Variants in ZNF524 observed in about 807,000 individuals in gnomAD.
ZNF524 encodes the protein zinc finger protein 524.
For missense variants in ZNF524, 388 were observed against 380.1 expected (o/e 1.02, Z -0.17); for synonymous variants, 194 against 166.3 (o/e 1.17, Z -1.28).
In ZNF524 at chr19:55,602,216, G is replaced by T; in HGVS notation, c.104G>T (p.Arg35Leu). 6.2e-7 allele frequency: 1 copy of T among 1,612,626 alleles called. No individual in the cohort carries two copies. ...PPVPRGRRGR[R>L]PGGATSSNRT... ...GTTCCCCGGGGCCGCCGAGGCCGTC[G>T]TCCTGGGGGAGCCACCTCCTCAAAT... Residue 35 changes from arginine to leucine, a missense_variant, in exon 2 of 2, where the codon CGT becomes CTT. By Grantham distance (102) the Arg-to-Leu change is moderately radical (BLOSUM62 -2). Transcript: ENST00000301073.
In ZNF524 at chr19:55,603,036, G is replaced by A. The variant is rs1980784517; in HGVS notation, c.*129G>A. 1.7e-6 allele frequency: 2 copies of A among 1,198,140 alleles called. No homozygotes were observed. The highest frequency in any genetic ancestry group is 1.5e-5 in the African/African-American group (1 of 65,052). The allele number at this position is 1,198,140 out of a possible 1,614,324, so 74.2% of individuals were successfully genotyped here. A position where few individuals can be genotyped will look rare whatever the true frequency, so the allele number is the denominator to read the frequency against. ...TTCCCGTTGTGGGAGCAGGTGGAGGGTGGAGACCTAAACTTTGGGGTCCAG... is the reference window on the plus strand; with the variant it reads ...TTCCCGTTGTGGGAGCAGGTGGAGGATGGAGACCTAAACTTTGGGGTCCAG... On this transcript the variant is annotated 3_prime_UTR_variant, in exon 2 of 2. Transcript: ENST00000301073.
At position 55,603,101 on chromosome 19, in the gene ZNF524, G is replaced by A. The variant is rs1980788202; in HGVS notation, c.*194G>A. ...CCTCCCCCAGACTAACAGACCCTTG[G>A]AGGCAGGGGCTGTGGAAATAAATCT... is the stretch of plus-strand genomic sequence containing the variant. On this transcript the variant is annotated 3_prime_UTR_variant, in exon 2 of 2. Coordinates refer to ENST00000301073, the MANE Select transcript of ZNF524 (RefSeq NM_153219.4). The A allele has an allele frequency of 1.5e-6, 1 of 651,664 alleles. No homozygotes were observed. The highest frequency in any genetic ancestry group is 2.6e-6 in the Non-Finnish European group (1 of 377,584). The allele number at this position is 651,664 out of a possible 1,614,324, so 40.4% of individuals were successfully genotyped here.
rs1452226780 is a variant in ZNF524 at position 55,602,230 on chromosome 19, A to G, written c.118A>G (p.Thr40Ala). 5 of 1,611,938 alleles carry G rather than the reference A, an allele frequency of 3.1e-6. No homozygotes were observed. The highest frequency in any genetic ancestry group is 4.2e-6 in the Non-Finnish European group (5 of 1,179,436). The change falls in exon 2 of 2, where the codon ACC (threonine) becomes GCC (alanine). Residue 40 changes from threonine to alanine, a missense_variant. Transcript: ENST00000301073. Reference protein sequence around the residue: ...GRRGRRPGGATSSNRTLKASL... With the variant: ...GRRGRRPGGAASSNRTLKASL... ...CCGAGGCCGTCGTCCTGGGGGAGCC[A>G]CCTCCTCAAATCGGACACTCAAGGC...
upstream of ZNF524, chr19:55,600,154 T>A (rs1444849596): frequency 6.6e-6 from 1 of 151,834 alleles, no homozygotes; most frequent in Non-Finnish European, 1.5e-5. Flanking sequence ...AGGCGCGGCT[T>A]CCGGGCGTGG....
Position 55,602,204 on chromosome 19 carries a change from G to T in ZNF524, c.92G>T (p.Arg31Leu). Reference sequence around the variant, plus strand: ...TTATCTCCTCCTGTTCCCCGGGGCCGCCGAGGCCGTCGTCCTGGGGGAGCC... The same window carrying T: ...TTATCTCCTCCTGTTCCCCGGGGCCTCCGAGGCCGTCGTCCTGGGGGAGCC... ...LALSPPVPRG[R>L]RGRRPGGATS... Residue 31 changes from arginine (R) to leucine (L), a missense_variant, in exon 2 of 2, where the codon CGC (arginine) becomes CTC (leucine). Arg to Leu is a moderately radical substitution (Grantham distance 102, BLOSUM62 -2). Coordinates refer to ENST00000301073, the MANE Select transcript of ZNF524 (RefSeq NM_153219.4). The T allele has an allele frequency of 6.2e-7, 1 of 1,612,216 alleles. No homozygotes were observed. Among genetic ancestry groups the T allele is most frequent in the Non-Finnish European group, 8.5e-7 (1 of 1,179,328 alleles).
rs1386897861 is a variant in ZNF524 at position 55,602,912 on chromosome 19, C to T, written c.*5C>T. 1 of 1,545,794 alleles carries T rather than the reference C, an allele frequency of 6.5e-7. No homozygotes were observed. Among genetic ancestry groups the T allele is most frequent in the Admixed American group, 2.0e-5 (1 of 49,932 alleles). ...GGGAAAGGGGAGCCGGCCTGACCCA[C>T]ACCCCCGGCCATCGCTCCCTGGGCC... On this transcript the variant is annotated 3_prime_UTR_variant, in exon 2 of 2. Transcript: ENST00000301073.
chr19:55,601,972 C>T (rs1174758521), intron 1 of ZNF524, 103 bp from the exon 2 acceptor site: 5 of 713,928 alleles, frequency 7.0e-6, no homozygotes, highest in South Asian at 2.7e-5. Context: ...ATGTCAAACA[C>T]ACCTTTGTCA....
Position 55,602,493 on chromosome 19 carries a change from C to G in ZNF524, c.381C>G (p.Ser127=). ...PVCLRAFPYL[S]DLERHSISHS... ...GCCTGCGGGCCTTCCCCTACCTCTC[C>G]GACCTGGAGCGCCACAGCATCTCGC... The change falls in exon 2 of 2, where the codon TCC becomes TCG. Residue 127 remains serine, a synonymous_variant. Coordinates refer to ENST00000301073, the MANE Select transcript of ZNF524 (RefSeq NM_153219.4). The G allele has an allele frequency of 6.3e-7, 1 of 1,597,720 alleles. No individual in the cohort carries two copies. The highest frequency in any genetic ancestry group is 8.5e-7 in the Non-Finnish European group (1 of 1,177,970).
Position 55,602,719 on chromosome 19 carries a change from T to C in ZNF524, c.607T>C (p.Cys203Arg). Reference sequence around the variant, plus strand: ...GGAGCGCCCGTACCAGTGCCCCATCTGCCGGCTGCGCTTTACAGAGGCCAA... The same window carrying C: ...GGAGCGCCCGTACCAGTGCCCCATCCGCCGGCTGCGCTTTACAGAGGCCAA... The part of the protein sequence containing the change: ...SGERPYQCPI[C>R]RLRFTEANTL... Residue 203 changes from cysteine (C) to arginine (R), a missense_variant, in exon 2 of 2, where the codon TGC becomes CGC. Cys to Arg is a radical substitution (Grantham distance 180, BLOSUM62 -3). Coordinates refer to ENST00000301073, the MANE Select transcript of ZNF524 (RefSeq NM_153219.4). 1 of 1,604,980 alleles carries C rather than the reference T, an allele frequency of 6.2e-7. No homozygotes were observed. The highest frequency in any genetic ancestry group is 8.5e-7 in the Non-Finnish European group (1 of 1,179,724).
Position 55,602,063 on chromosome 19 carries a change from C to G in ZNF524, c.-38-12C>G. 1 of 1,498,438 alleles carries G rather than the reference C, an allele frequency of 6.7e-7. No homozygotes were observed. Among genetic ancestry groups the G allele is most frequent in the East Asian group, 2.3e-5 (1 of 43,686 alleles). The allele number at this position is 1,498,438 out of a possible 1,614,324, so 92.8% of individuals were successfully genotyped here. A position where few individuals can be genotyped will look rare whatever the true frequency, so the allele number is the denominator to read the frequency against. ...CCCTGTGAGCACTGACTCTGCCCCTCTCTCCTCTTAGCTGGCTCCAGTGCC... is the reference window on the plus strand; with the variant it reads ...CCCTGTGAGCACTGACTCTGCCCCTGTCTCCTCTTAGCTGGCTCCAGTGCC... On this transcript the variant is annotated splice_polypyrimidine_tract_variant and intron_variant, in intron 1 of 1. Transcript: ENST00000301073.
chr19:55,602,703 G>A lies in ZNF524; in HGVS notation c.591G>A (p.Pro197=). The change falls in exon 2 of 2, where the codon CCG becomes CCA. Residue 197 remains proline, a synonymous_variant. Coordinates refer to ENST00000301073, the MANE Select transcript of ZNF524 (RefSeq NM_153219.4). ...HHHRVHSGER[P]YQCPICRLRF... The stretch of plus-strand genomic sequence containing the variant: ...ACCGCGTGCACTCGGGGGAGCGCCC[G>A]TACCAGTGCCCCATCTGCCGGCTGC... 2.5e-6 allele frequency: 4 copies of A among 1,602,620 alleles called. No individual in the cohort carries two copies. Among genetic ancestry groups the A allele is most frequent in the Non-Finnish European group, 3.4e-6 (4 of 1,179,390 alleles).
chr19:55,599,907 C>T (rs375382337), upstream of ZNF524: 4 of 152,232 alleles, frequency 2.6e-5, no homozygotes, highest in East Asian at 5.8e-4. Context: ...AACTGCAATA[C>T]AGAGCTGGAA....
At position 55,602,681 on chromosome 19, in the gene ZNF524, G is replaced by A. The variant is rs766321925; in HGVS notation, c.569G>A (p.Arg190His). 3 of 1,599,202 alleles carry A rather than the reference G, an allele frequency of 1.9e-6. No homozygotes were observed. The highest frequency in any genetic ancestry group is 2.2e-5 in the South Asian group (2 of 90,622). The change falls in exon 2 of 2, where the codon CGC becomes CAC. Residue 190 changes from arginine to histidine, a missense_variant. Coordinates refer to ENST00000301073, the MANE Select transcript of ZNF524 (RefSeq NM_153219.4). Reference sequence around the variant, plus strand: ...GCGGGCGAGCTGGCGCACCACCACCGCGTGCACTCGGGGGAGCGCCCGTAC... The same window carrying A: ...GCGGGCGAGCTGGCGCACCACCACCACGTGCACTCGGGGGAGCGCCCGTAC... The part of the protein sequence containing the change: ...REAGELAHHH[R>H]VHSGERPYQC...
At position 55,602,552 on chromosome 19, in the gene ZNF524, G is replaced by A. The variant is rs1368204733; in HGVS notation, c.440G>A (p.Cys147Tyr). 12 of 1,591,276 alleles carry A rather than the reference G, an allele frequency of 7.5e-6. No homozygotes were observed. The highest frequency in any genetic ancestry group is 1.0e-5 in the Non-Finnish European group (12 of 1,174,956). ...CTGAAGCCGCACCAGTGCAAGGTTT[G>A]CGGCAAGACCTTCAAGCGCTCCAGC... ...SELKPHQCKVCGKTFKRSSHL... is the reference protein window; with the variant it reads ...SELKPHQCKVYGKTFKRSSHL... Residue 147 changes from cysteine to tyrosine, a missense_variant, in exon 2 of 2, where the codon TGC (cysteine) becomes TAC (tyrosine). Physicochemically the swap from Cys to Tyr is radical, Grantham distance 194 (BLOSUM62 -2). Coordinates refer to ENST00000301073, the MANE Select transcript of ZNF524 (RefSeq NM_153219.4).
At position 55,602,517 on chromosome 19, in the gene ZNF524, G is replaced by A. The variant is rs1482752509; in HGVS notation, c.405G>A (p.Ser135=). 1.9e-6 allele frequency: 3 copies of A among 1,597,042 alleles called. No individual in the cohort carries two copies. The highest frequency in any genetic ancestry group is 1.1e-5 in the South Asian group (1 of 90,162). ...CCGACCTGGAGCGCCACAGCATCTC[G>A]CACTCAGAGCTGAAGCCGCACCAGT... The part of the protein sequence containing the change: ...YLSDLERHSI[S]HSELKPHQCK... Residue 135 remains serine, a synonymous_variant, in exon 2 of 2, where the codon TCG becomes TCA. Coordinates refer to ENST00000301073, the MANE Select transcript of ZNF524 (RefSeq NM_153219.4).
In ZNF524 at chr19:55,602,682, C is replaced by T. The variant is rs1156765864; in HGVS notation, c.570C>T (p.Arg190=). The change falls in exon 2 of 2, where the codon CGC becomes CGT. Residue 190 remains arginine (R), a synonymous_variant. Transcript: ENST00000301073. ...CGGGCGAGCTGGCGCACCACCACCG[C>T]GTGCACTCGGGGGAGCGCCCGTACC... The part of the protein sequence containing the change: ...REAGELAHHH[R]VHSGERPYQC... 1.3e-6 allele frequency: 2 copies of T among 1,599,278 alleles called. No homozygotes were observed. The highest frequency in any genetic ancestry group is 1.3e-5 in the African/African-American group (1 of 74,892).
At chr19:55,600,011 G>C (rs73612902), upstream of ZNF524, 2 of 152,180 alleles carry the variant, frequency 1.3e-5, no homozygotes, top group Non-Finnish European at 2.9e-5. Flanking sequence ...CCATTTTCCC[G>C]CTCCTCATCA....
chr19:55,602,687 A>C lies in ZNF524; in HGVS notation c.575A>C (p.His192Pro). ...GAGCTGGCGCACCACCACCGCGTGC[A>C]CTCGGGGGAGCGCCCGTACCAGTGC... ...AGELAHHHRV[H>P]SGERPYQCPI... Residue 192 changes from histidine (H) to proline (P), a missense_variant, in exon 2 of 2, where the codon CAC becomes CCC. Transcript: ENST00000301073. 6.2e-7 allele frequency: 1 copy of C among 1,600,304 alleles called. No individual in the cohort carries two copies. Among genetic ancestry groups the C allele is most frequent in the Non-Finnish European group, 8.5e-7 (1 of 1,178,842 alleles).
rs775173954 is a variant in ZNF524 at position 55,602,865 on chromosome 19, C to T, written c.753C>T (p.Ala251=). The T allele has an allele frequency of 1.4e-5, 22 of 1,596,268 alleles. No homozygotes were observed. Among genetic ancestry groups the T allele is most frequent in the East Asian group, 9.0e-5 (4 of 44,288 alleles). Reference sequence around the variant, plus strand: ...AGGGCATCCCGGCCACAGCAGGGGCCGAGGAGGAGGAGGAGACAGAGGGGA... The same window carrying T: ...AGGGCATCCCGGCCACAGCAGGGGCTGAGGAGGAGGAGGAGACAGAGGGGA... ...DEEGIPATAG[A]EEEEETEGKG... Residue 251 remains alanine, a synonymous_variant, in exon 2 of 2, where the codon GCC becomes GCT. Coordinates refer to ENST00000301073, the MANE Select transcript of ZNF524 (RefSeq NM_153219.4).
Sources: gnomAD v4.1 joint callset for allele counts on GRCh38, gnomAD v4.1.1 for gene constraint, MANE v1.5 for transcripts, NCBI Gene and HGNC (gene_info 2026-07-23, HGNC 2026-07-21) for gene names.